The following CENPT variants were observed in gnomAD, a reference collection of about 807,000 sequenced individuals.
The protein encoded by CENPT is interphase centromere complex protein 22.
CENPT carries 42 observed loss-of-function variants against 59.7 expected under a neutral mutation model. The ratio of observed to expected loss-of-function variants is 0.70; its 90% CI spans 0.55 to 0.91. The LOEUF is 0.91. CENPT is among the 40% of genes least tolerant of loss of function. The probability of loss-of-function intolerance (pLI) is 0.00; values close to 1 mark genes in which losing one functional copy is unlikely to be tolerated. For synonymous variants in CENPT, 295 were observed against 289.6 expected, an observed-to-expected ratio of 1.02 and a Z score of -0.19; for missense variants, 716 against 713.4, an observed-to-expected ratio of 1.00 and a Z score of -0.04.
intron 1 of CENPT, among the ~76,000 whole-genome samples, chr16:67,841,006 A>AATATATAT (rs1567373307): frequency 1.5e-5 from 1 of 66,458 alleles, no homozygotes; most frequent in Non-Finnish European, 2.4e-5. Context: ...CTAAATACAA[A>AATATATAT]ATACATATAT....
chr16:67,828,228 T>A lies in CENPT; in HGVS notation c.*39A>T. The stretch of plus-strand genomic sequence containing the variant: ...CTGGAGAAATATGTGGGGGCAAGAG[T>A]CCCCAGGTGGGGACAGGGAAAGTGT... On this transcript the variant is annotated 3_prime_UTR_variant, in exon 16 of 16. Transcript: ENST00000562787. The A allele has an allele frequency of 3.9e-6, 6 of 1,538,074 alleles. No homozygotes were observed. The highest frequency in any genetic ancestry group is 5.3e-6 in the Non-Finnish European group (6 of 1,142,818).
At chr16:67,840,621 G>A (rs1002994345) in intron 1 of CENPT, among the ~76,000 whole-genome samples, 1 of 152,082 alleles carries the variant, frequency 6.6e-6, no homozygotes, top group African/African-American at 2.4e-5. Flanking sequence ...GAACAGAAAA[G>A]ATAACTATTG....
In CENPT at chr16:67,833,741, C is replaced by A; in HGVS notation, c.110+9G>T. ...GTTGCTCAAGTACTCGGGGAGCCCC[C>A]TCACATACCCAGCCCGAGCACTCCG... On this transcript the variant is annotated intron_variant, in intron 4 of 15. Transcript: ENST00000562787. 1 of 1,503,290 alleles carries A rather than the reference C, an allele frequency of 6.7e-7. No individual in the cohort carries two copies. Among genetic ancestry groups the A allele is most frequent in the Non-Finnish European group, 8.9e-7 (1 of 1,124,288 alleles). 93.1% of individuals were successfully genotyped at this position (1,503,290 alleles called of 1,614,324 possible).
chr16:67,828,605 G>A (rs371458502), intron 14 of CENPT, 27 bp from the exon 15 acceptor site: 179 of 1,613,326 alleles, frequency 1.1e-4, no homozygotes, highest in Non-Finnish European at 1.4e-4. Flanking sequence ...GATAGAGCAG[G>A]CTGAACAGTC....
At chr16:67,830,866 T>C (rs2057680608) in intron 10 of CENPT, 1 of 510,218 alleles carries the variant, frequency 2.0e-6, no homozygotes, top group Non-Finnish European at 3.5e-6. Context: ...CAAACCCTCT[T>C]CTTACTCTGG....
At chr16:67,845,255 A>G (rs916538123) in intron 1 of CENPT, among the ~76,000 whole-genome samples, 4 of 152,178 alleles carry the variant, frequency 2.6e-5, no homozygotes, top group Non-Finnish European at 5.9e-5. Context: ...CCCATAAAAT[A>G]TGACTCCCTT....
In CENPT at chr16:67,828,859, G is replaced by T; in HGVS notation, c.1281-16C>A. Reference sequence around the variant, plus strand: ...TGAAGATAAGCTGAGGGCAACAGTGGACAGAGGGGGCTGAACTTGCCTCAA... The same window carrying T: ...TGAAGATAAGCTGAGGGCAACAGTGTACAGAGGGGGCTGAACTTGCCTCAA... On this transcript the variant is annotated splice_polypyrimidine_tract_variant and intron_variant, in intron 13 of 15. Coordinates refer to ENST00000562787, the MANE Select transcript of CENPT (RefSeq NM_025082.4). The T allele has an allele frequency of 6.4e-7, 1 of 1,566,652 alleles. No homozygotes were observed. The highest frequency in any genetic ancestry group is 1.2e-5 in the South Asian group (1 of 83,306).
Position 67,831,624 on chromosome 16 carries a change from C to T in CENPT, c.524-12G>A, listed in dbSNP as rs903753802. 3 of 1,614,014 alleles carry T rather than the reference C, an allele frequency of 1.9e-6. No homozygotes were observed. Among genetic ancestry groups the T allele is most frequent in the South Asian group, 1.1e-5 (1 of 91,072 alleles). The stretch of plus-strand genomic sequence containing the variant: ...ATTCCCTTGAGGCTCTGTCAGCAAC[C>T]GGCAAGAGAATGTAAAAGAAGAAAA... On this transcript the variant is annotated splice_polypyrimidine_tract_variant and intron_variant, in intron 8 of 15. Coordinates refer to ENST00000562787, the MANE Select transcript of CENPT (RefSeq NM_025082.4).
At chr16:67,838,687 G>T (rs2057745413) in intron 1 of CENPT, among the ~76,000 whole-genome samples, 2 of 152,032 alleles carry the variant, frequency 1.3e-5, no homozygotes, top group Non-Finnish European at 1.5e-5. Flanking sequence ...CAGCACTTTG[G>T]GAGGCTGAGG....
At position 67,842,902 on chromosome 16, in the gene CENPT, ACAGCAGCAGCAG is replaced by A; in HGVS notation, c.-492+4487_-492+4498del. 8 of 1,583,140 alleles carry A rather than the reference ACAGCAGCAGCAG, an allele frequency of 5.1e-6. No homozygotes were observed. The South Asian group carries it at 8.2e-5, about 16-fold the overall frequency. ...AGCAGCAGCAGCAGCAACAGCAGCA[ACAGCAGCAGCAG>A]CAGCAACAGCAGCAGCAGCAGCAGC... is the stretch of plus-strand genomic sequence containing the variant. On this transcript the variant is annotated intron_variant, in intron 1 of 15. Transcript: ENST00000562787. The surrounding 1 kb of genome is among the most constrained non-coding windows in gnomAD (Gnocchi z 4.9).
At position 67,832,549 on chromosome 16, in the gene CENPT, T is replaced by C. The variant is rs1223037094; in HGVS notation, c.111-4A>G. On this transcript the variant is annotated splice_polypyrimidine_tract_variant and splice_region_variant and intron_variant, in intron 4 of 15. Coordinates refer to ENST00000562787, the MANE Select transcript of CENPT (RefSeq NM_025082.4). The stretch of plus-strand genomic sequence containing the variant: ...TTCAAGCAGGGCTCTCCGGGCTCTG[T>C]GTAAAGACCAGCAATTATGCCGAGA... 1 of 1,612,968 alleles carries C rather than the reference T, an allele frequency of 6.2e-7. No homozygotes were observed. Among genetic ancestry groups the C allele is most frequent in the Admixed American group, 1.7e-5 (1 of 59,956 alleles).
In CENPT at chr16:67,829,954, C is replaced by T. The variant is rs754629150; in HGVS notation, c.997G>A (p.Ala333Thr). Reference sequence around the variant, plus strand: ...CCTTCTTCTTCCATCTTTTTCTCTGCCTCTTCAACTCCATCGTGTAAGGGC... The same window carrying T: ...CCTTCTTCTTCCATCTTTTTCTCTGTCTCTTCAACTCCATCGTGTAAGGGC... ...VEPLHDGVEEAEKKMEEEGVS... is the reference protein window; with the variant it reads ...VEPLHDGVEETEKKMEEEGVS... The change falls in exon 12 of 16, where the codon GCA becomes ACA. Residue 333 changes from alanine to threonine, a missense_variant. Transcript: ENST00000562787. 4 of 1,614,100 alleles carry T rather than the reference C, an allele frequency of 2.5e-6. No homozygotes were observed. Among genetic ancestry groups the T allele is most frequent in the Non-Finnish European group, 3.4e-6 (4 of 1,180,038 alleles).
Position 67,828,701 on chromosome 16 carries a change from T to A in CENPT, c.1423A>T (p.Met475Leu). The change falls in exon 14 of 16, where the codon ATG (methionine) becomes TTG (leucine). Residue 475 changes from methionine (M) to leucine (L), a missense_variant. By Grantham distance (15) the Met-to-Leu change is conservative (BLOSUM62 2). Coordinates refer to ENST00000562787, the MANE Select transcript of CENPT (RefSeq NM_025082.4). ...KLFSFYAKMP[M>L]ERKALEMVEK... ...ACCATCTCAAGAGCCTTCCTCTCCA[T>A]GGGCATCTTGGCATAGAAGCTAAAG... 6.2e-7 allele frequency: 1 copy of A among 1,614,186 alleles called. No homozygotes were observed.
At chr16:67,839,843 C>T (rs1313184275) in intron 1 of CENPT, among the ~76,000 whole-genome samples, 1 of 152,098 alleles carries the variant, frequency 6.6e-6, no homozygotes, top group Non-Finnish European at 1.5e-5. Context: ...CACTGCACTT[C>T]AGCCTCAACA....
Position 67,833,953 on chromosome 16 carries a change from C to G in CENPT, c.-94G>C, listed in dbSNP as rs2057718993. Reference sequence around the variant, plus strand: ...ATGTAACTCTCGCGATGCTCCCGCACAGCCCCACGGGAATTGTAGTTCTCG... The same window carrying G: ...ATGTAACTCTCGCGATGCTCCCGCAGAGCCCCACGGGAATTGTAGTTCTCG... On this transcript the variant is annotated 5_prime_UTR_variant, in exon 4 of 16. Coordinates refer to ENST00000562787, the MANE Select transcript of CENPT (RefSeq NM_025082.4). 9 of 781,666 alleles carry G rather than the reference C, an allele frequency of 1.2e-5. No homozygotes were observed. Among genetic ancestry groups the G allele is most frequent in the African/African-American group, 1.8e-5 (1 of 54,560 alleles). The allele number at this position is 781,666 out of a possible 1,614,324, so 48.4% of individuals were successfully genotyped here.
In CENPT at chr16:67,832,063, A is replaced by G. The variant is rs2057696875; in HGVS notation, c.335T>C (p.Val112Ala). ...ILMPESVVKPVPAPQAVQPSR... is the reference protein window; with the variant it reads ...ILMPESVVKPAPAPQAVQPSR... ...GGGTTGGACCGCCTGCGGTGCTGGC[A>G]CTGGCTTCACTACCGACTCAGGCAT... The change falls in exon 7 of 16, where the codon GTG becomes GCG. Residue 112 changes from valine to alanine, a missense_variant. Val to Ala is a moderately conservative substitution (Grantham distance 64, BLOSUM62 0). Transcript: ENST00000562787. 3 of 1,612,180 alleles carry G rather than the reference A, an allele frequency of 1.9e-6. No homozygotes were observed. The highest frequency in any genetic ancestry group is 2.5e-6 in the Non-Finnish European group (3 of 1,178,722).
intron 4 of CENPT, 76 bp from the exon 5 acceptor site, chr16:67,832,621 G>A: frequency 7.4e-7 from 1 of 1,357,928 alleles, no homozygotes; most frequent in Non-Finnish European, 1.0e-6. Context: ...CCTTCATCAG[G>A]GGTCTTGGTC....
At position 67,843,560 on chromosome 16, in the gene CENPT, A is replaced by G; in HGVS notation, c.-492+3841T>C. The G allele has an allele frequency of 2.0e-6, 3 of 1,525,142 alleles. No homozygotes were observed. Among genetic ancestry groups the G allele is most frequent in the Non-Finnish European group, 2.7e-6 (3 of 1,124,590 alleles). The allele number at this position is 1,525,142 out of a possible 1,614,324, so 94.5% of individuals were successfully genotyped here. ...CCATCCAGCCAGGGGACCGCAGGCC[A>G]TTGTTGAACTCCTCTATACTCCTGG... is the stretch of plus-strand genomic sequence containing the variant. On this transcript the variant is annotated intron_variant, in intron 1 of 15. Coordinates refer to ENST00000562787, the MANE Select transcript of CENPT (RefSeq NM_025082.4). This position sits in a 1 kb window ranked among gnomAD's most constrained non-coding sequence, Gnocchi z 5.7.
Position 67,834,669 on chromosome 16 carries a change from T to C in CENPT, c.-242+503A>G, listed in dbSNP as rs190572252. On this transcript the variant is annotated intron_variant, in intron 3 of 15. Transcript: ENST00000562787. The stretch of plus-strand genomic sequence containing the variant: ...TTTGCAAATCTGTCTATAGGGCCTA[T>C]CTCTATCAGAAGAGACCAGGAAGCA... Among the ~76,000 whole-genome samples, 35 of 152,260 alleles carry C rather than the reference T, an allele frequency of 2.3e-4. 1 individual carries two copies. The highest frequency in any genetic ancestry group is 2.1e-3 in the Admixed American group (32 of 15,282).
Sources: allele counts gnomAD v4.1 joint callset (sites outside exome capture counted in the v4.1 genomes callset), GRCh38; gene constraint gnomAD v4.1.1; non-coding constraint Gnocchi (gnomAD v3.1); transcripts MANE v1.5; gene names NCBI Gene and HGNC (gene_info 2026-07-23, HGNC 2026-07-21).